The following CACNA1H variants were observed in gnomAD, a reference collection of about 807,000 sequenced individuals.
The protein encoded by CACNA1H is voltage-dependent T-type calcium channel subunit alpha-1H.
CACNA1H carries 149 observed loss-of-function variants against 192.5 expected under a neutral mutation model. That is an observed-to-expected ratio of 0.77 (90% confidence interval 0.68 to 0.89). CACNA1H has a LOEUF of 0.89. Ranked by LOEUF, CACNA1H falls within the 40% of genes least tolerant of loss-of-function variation. CACNA1H has a pLI of 0.00. For synonymous variants in CACNA1H, 2,202 were observed against 1,475.2 expected, an observed-to-expected ratio of 1.49 and a Z score of -11.29; for missense variants, 4,257 against 3,423.5, an observed-to-expected ratio of 1.24 and a Z score of -6.08.
In CACNA1H at chr16:1,216,686, C is replaced by T. The variant is rs370515096; in HGVS notation, c.5245-246C>T. Among the ~76,000 whole-genome samples the T allele has an allele frequency of 9.9e-3, 1,504 of 152,286 alleles. 22 individuals carry two copies. Among genetic ancestry groups the T allele is most frequent in the African/African-American group, 0.03 (1,254 of 41,556 alleles). ...GGGCAGAGGAAGAGAGAAGCCAGTG[C>T]GGGCCAGCACAGAGGGGTGGGCTCT... is the stretch of plus-strand genomic sequence containing the variant. On this transcript the variant is annotated intron_variant, in intron 30 of 34. Transcript: ENST00000348261.
intron 2 of CACNA1H, among the ~76,000 whole-genome samples, chr16:1,155,009 G>T (rs1158602709): frequency 2.0e-5 from 3 of 152,316 alleles, no homozygotes; most frequent in South Asian, 2.1e-4. Context: ...GAGAGACCCT[G>T]CCCGCAGACG....
At chr16:1,181,948 C>T (rs566810228) in intron 2 of CACNA1H, among the ~76,000 whole-genome samples, 2 of 149,852 alleles carry the variant, frequency 1.3e-5, no homozygotes, top group African/African-American at 2.5e-5. Flanking sequence ...ACACACGCCC[C>T]CTCGCACACG....
intron 9 of CACNA1H, among the ~76,000 whole-genome samples, chr16:1,203,387 C>T (rs780736789): frequency 2.0e-5 from 3 of 152,164 alleles, no homozygotes; most frequent in East Asian, 1.9e-4. Flanking sequence ...TGGGAAGTGG[C>T]TGCTGTTATA....
In CACNA1H at chr16:1,221,011, G is replaced by A. The variant is rs749442334; in HGVS notation, c.*17G>A. 3.6e-5 allele frequency: 55 copies of A among 1,539,344 alleles called. No homozygotes were observed. In the Admixed American group the frequency reaches 5.6e-4, roughly 16 times the overall value. On this transcript the variant is annotated 3_prime_UTR_variant, in exon 35 of 35. Coordinates refer to ENST00000348261, the MANE Select transcript of CACNA1H (RefSeq NM_021098.3). Reference sequence around the variant, plus strand: ...CCCGTGTAGCTCGGGGCTTGGTGCCGCCCACGGCTTTGGCCCTGGGGTCTG... The same window carrying A: ...CCCGTGTAGCTCGGGGCTTGGTGCCACCCACGGCTTTGGCCCTGGGGTCTG...
chr16:1,173,955 A>C (rs1964617193), intron 2 of CACNA1H, among the ~76,000 whole-genome samples: 1 of 152,122 alleles, frequency 6.6e-6, no homozygotes. Flanking sequence ...ACCTGTGCAC[A>C]CAGTGGGACC....
chr16:1,174,404 T>TG (rs1207484122), intron 2 of CACNA1H, among the ~76,000 whole-genome samples: 1 of 152,160 alleles, frequency 6.6e-6, no homozygotes, highest in East Asian at 1.9e-4. Context: ...GCTGCCAGGA[T>TG]GGGGGGCTCC....
At position 1,192,394 on chromosome 16, in the gene CACNA1H, G is replaced by A. The variant is rs8063302; in HGVS notation, c.300-2578G>A. Among the ~76,000 whole-genome samples the A allele has an allele frequency of 1.4e-3, 208 of 152,352 alleles. 1 individual carries two copies. The highest frequency in any genetic ancestry group is 4.8e-3 in the African/African-American group (199 of 41,580). ...GCTTTCATGGTGACTGGCACTGATGGGCCCTGGGCTCTGACACCATCCACT... is the reference window on the plus strand; with the variant it reads ...GCTTTCATGGTGACTGGCACTGATGAGCCCTGGGCTCTGACACCATCCACT... On this transcript the variant is annotated intron_variant, in intron 2 of 34. Coordinates refer to ENST00000348261, the MANE Select transcript of CACNA1H (RefSeq NM_021098.3).
chr16:1,163,854 G>T (rs527997918), intron 2 of CACNA1H, among the ~76,000 whole-genome samples: 1 of 152,220 alleles, frequency 6.6e-6, no homozygotes, highest in Non-Finnish European at 1.5e-5. Context: ...TGGGAAGCCT[G>T]GTCGTTGTGA....
rs371882864 is a variant in CACNA1H at position 1,218,350 on chromosome 16, C to T, written c.5586C>T (p.His1862=). The T allele has an allele frequency of 3.2e-6, 5 of 1,562,170 alleles. No individual in the cohort carries two copies. Among genetic ancestry groups the T allele is most frequent in the Non-Finnish European group, 4.3e-6 (5 of 1,154,202 alleles). The stretch of plus-strand genomic sequence containing the variant: ...TGGTGGTGGCCGTGCTCATGAAGCA[C>T]CTGGAGGAGAGCAACAAGGAGGCAC... ...VNVVVAVLMK[H]LEESNKEARE... The change falls in exon 33 of 35, where the codon CAC becomes CAT. Residue 1862 remains histidine, a synonymous_variant. Coordinates refer to ENST00000348261, the MANE Select transcript of CACNA1H (RefSeq NM_021098.3).
rs375424823 is a variant in CACNA1H, at chr16:1,200,439, G to T, written c.987G>T (p.Gly329=). ...CCTACACGCAGCCGCAGGCCGAGGG[G>T]GTGGGCGCTGCACGCAACGCCTGCA... is the stretch of plus-strand genomic sequence containing the variant. ...WEAYTQPQAE[G]VGAARNACIN... is the part of the protein sequence containing the mutation. The change falls in exon 7 of 35, where the codon GGG becomes GGT. Residue 329 remains glycine, a synonymous_variant. Transcript: ENST00000348261. The T allele has an allele frequency of 1.6e-5, 25 of 1,610,932 alleles. No individual in the cohort carries two copies. The South Asian group carries it at 2.6e-4, about 17-fold the overall frequency.
chr16:1,220,775 CT>C lies in CACNA1H; in HGVS notation c.6845del (p.Leu2282TrpfsTer7). On this transcript the variant is annotated frameshift_variant, in exon 35 of 35. Coordinates refer to ENST00000348261, the MANE Select transcript of CACNA1H (RefSeq NM_021098.3). LOFTEE classifies it low-confidence loss of function (END_TRUNC). ...DLGVPSGDPF[L>X]DGSHSVTPES... Reference sequence around the variant, plus strand: ...TCGGGGTCCCCAGTGGAGACCCTTTCTTGGACGGTAGCCACAGTGTGACCCC... The same window carrying C: ...TCGGGGTCCCCAGTGGAGACCCTTTCTGGACGGTAGCCACAGTGTGACCCC... 1 of 1,612,666 alleles carries C rather than the reference CT, an allele frequency of 6.2e-7. No individual in the cohort carries two copies. Among genetic ancestry groups the C allele is most frequent in the Non-Finnish European group, 8.5e-7 (1 of 1,179,770 alleles).
chr16:1,211,047 G>A (rs1002178238), intron 21 of CACNA1H, 76 bp downstream of exon 21: 27 of 1,546,888 alleles, frequency 1.7e-5, no homozygotes, highest in South Asian at 1.5e-4. Flanking sequence ...TACTCCTCCC[G>A]CAGTCCTGGG....
At chr16:1,173,755 C>T (rs1964597968) in intron 2 of CACNA1H, among the ~76,000 whole-genome samples, 1 of 152,248 alleles carries the variant, frequency 6.6e-6, no homozygotes, top group South Asian at 2.1e-4. Flanking sequence ...CCAGCAGGCT[C>T]ACCCCGGGAG....
At chr16:1,205,790 G>A (rs1015019265) in intron 11 of CACNA1H, among the ~76,000 whole-genome samples, 1 of 152,222 alleles carries the variant, frequency 6.6e-6, no homozygotes, top group Non-Finnish European at 1.5e-5. Flanking sequence ...GAACGGACAA[G>A]CCAGGTCTGG....
chr16:1,184,928 C>T (rs144774926), intron 2 of CACNA1H, among the ~76,000 whole-genome samples: 143 of 152,276 alleles, frequency 9.4e-4, no homozygotes, highest in African/African-American at 3.1e-3. Context: ...TGACGACCAG[C>T]GGATTTTAAA....
chr16:1,153,540 G>A (rs1961849993), intron 1 of CACNA1H, 70 bp downstream of exon 1: 1 of 318,342 alleles, frequency 3.1e-6, no homozygotes, highest in South Asian at 1.5e-4. Flanking sequence ...GGAGCCCCTC[G>A]GGGTGGGGGT....
At chr16:1,182,900 T>C (rs1965614159) in intron 2 of CACNA1H, among the ~76,000 whole-genome samples, 1 of 152,030 alleles carries the variant, frequency 6.6e-6, no homozygotes, top group Non-Finnish European at 1.5e-5. Flanking sequence ...GGGCCCAACC[T>C]GAGAGCTCCC....
chr16:1,167,025 G>A lies in CACNA1H; in HGVS notation c.299+12989G>A, dbSNP rs1031202903. Among the ~76,000 whole-genome samples the A allele has an allele frequency of 6.6e-5, 10 of 152,192 alleles. No individual in the cohort carries two copies. The highest frequency in any genetic ancestry group is 8.8e-5 in the Non-Finnish European group (6 of 68,034). On this transcript the variant is annotated intron_variant, in intron 2 of 34. Coordinates refer to ENST00000348261, the MANE Select transcript of CACNA1H (RefSeq NM_021098.3). This position sits in a 1 kb window ranked among gnomAD's most constrained non-coding sequence, Gnocchi z 4.2. ...TTTTCCAAAGCGGTGCCCACCTGTT[G>A]ACCCACCTCTCGCCCCCAGCTTTTG...
At chr16:1,192,102 C>G (rs542683198) in intron 2 of CACNA1H, among the ~76,000 whole-genome samples, 14 of 152,346 alleles carry the variant, frequency 9.2e-5, no homozygotes, top group African/African-American at 3.4e-4. Context: ...GGGAGGGGCT[C>G]ACTGGAGCCA....
Sources: gnomAD v4.1 joint callset for allele counts (sites outside exome capture counted in the v4.1 genomes callset) on GRCh38, gnomAD v4.1.1 for gene constraint, Gnocchi (gnomAD v3.1) non-coding constraint, MANE v1.5 for transcripts, NCBI Gene and HGNC (gene_info 2026-07-23, HGNC 2026-07-21) for gene names.